Variants in HEPH observed in about 807,000 individuals in gnomAD.
HEPH encodes the protein hephaestin.
HEPH carries 69 observed loss-of-function variants against 80.8 expected under a neutral mutation model. That is an observed-to-expected ratio of 0.85 (90% CI 0.70 to 1.04). HEPH has a LOEUF of 1.04. Among genes scored for constraint, HEPH ranks in the 50% least tolerant of loss-of-function variants. The probability of loss-of-function intolerance (pLI) is 0.00; values close to 1 mark genes in which losing one functional copy is unlikely to be tolerated. For missense variants in HEPH, 1,115 were observed against 891.3 expected (o/e 1.25, Z -3.20); for synonymous variants, 431 against 322.8 (o/e 1.34, Z -3.60).
intron 8 of HEPH, among the ~76,000 whole-genome samples, chrX:66,194,456 G>A (rs969087695): frequency 1.9e-4 from 21 of 111,861 alleles, no homozygotes; most frequent in African/African-American, 5.2e-4. Flanking sequence ...CTGACCAAGA[G>A]TTAGAGCCGG....
At chrX:66,214,941 GAGGATTTACTT>G (rs1356053322) in intron 15 of HEPH, among the ~76,000 whole-genome samples, 1 of 111,105 alleles carries the variant, frequency 9.0e-6, no homozygotes, top group Non-Finnish European at 1.9e-5. Flanking sequence ...CTCTTTTATT[GAGGATTTACTT>G]AGGTGTATGT....
chrX:66,260,413 C>A, intron 19 of HEPH, 151 bp downstream of exon 19: 1 of 429,207 alleles, frequency 2.3e-6, no homozygotes, highest in South Asian at 4.6e-5. Context: ...TAGGTATTGC[C>A]CCAACCAGTA....
intron 15 of HEPH, among the ~76,000 whole-genome samples, chrX:66,231,148 G>T (rs1315211232): frequency 9.1e-6 from 1 of 109,859 alleles, no homozygotes; most frequent in Non-Finnish European, 1.9e-5. Context: ...CTCTGTTTTG[G>T]TACAAGTACC....
chrX:66,226,033 AG>A (rs977053153), intron 15 of HEPH, among the ~76,000 whole-genome samples: 3 of 111,518 alleles, frequency 2.7e-5, no homozygotes, highest in Middle Eastern at 4.6e-3. Context: ...TTGAGAAAGC[AG>A]GGGGTATGTG....
At chrX:66,197,648 C>G in intron 9 of HEPH, 35 bp from the exon 10 acceptor site, 1 of 1,095,482 alleles carries the variant, frequency 9.1e-7, no homozygotes, top group Non-Finnish European at 1.3e-6. Flanking sequence ...TCATTCTAGT[C>G]AATCTAAGTA....
chrX:66,189,958 A>G lies in HEPH; in HGVS notation c.1063+20A>G. On this transcript the variant is annotated intron_variant, in intron 6 of 20. Coordinates refer to ENST00000343002, the MANE Select transcript of HEPH (RefSeq NM_001367233.3). ...TTCGAGGTGAGATCCAACATTTCTG[A>G]CCATTGGGTTGTAAGAGAGAGGTAT... 8.6e-7 allele frequency: 1 copy of G among 1,158,120 alleles called. No individual in the cohort carries two copies. Among genetic ancestry groups the G allele is most frequent in the Non-Finnish European group, 1.2e-6 (1 of 867,465 alleles).
chrX:66,173,561 GC>G (rs779587250), intron 3 of HEPH, 27 bp from the exon 4 acceptor site: 1 of 1,096,997 alleles, frequency 9.1e-7, no homozygotes, highest in East Asian at 3.0e-5. Context: ...CTTATTCTGG[GC>G]CTGTGCATGT....
chrX:66,266,118 T>A (rs1317059349), intron 20 of HEPH, among the ~76,000 whole-genome samples: 1 of 104,792 alleles, frequency 9.5e-6, no homozygotes, highest in Non-Finnish European at 2.0e-5. Flanking sequence ...ACAGAACAAG[T>A]CAAATTCATC....
chrX:66,225,994 G>C (rs1228292485), intron 15 of HEPH, among the ~76,000 whole-genome samples: 1 of 111,812 alleles, frequency 8.9e-6, no homozygotes, highest in African/African-American at 3.3e-5. Flanking sequence ...ACAACTTTAA[G>C]GGGGTCTGTG....
chrX:66,249,079 G>C (rs1478663686), intron 15 of HEPH, among the ~76,000 whole-genome samples: 1 of 111,567 alleles, frequency 9.0e-6, no homozygotes, highest in East Asian at 2.8e-4. Context: ...TCTGAGAAAT[G>C]GAATAAGACT....
At chrX:66,230,923 A>G (rs1221412715) in intron 15 of HEPH, among the ~76,000 whole-genome samples, 17 of 102,379 alleles carry the variant, frequency 1.7e-4, no homozygotes, top group Non-Finnish European at 3.2e-4. Context: ...TAACGTTTAA[A>G]TCTTTAATCC....
intron 15 of HEPH, among the ~76,000 whole-genome samples, chrX:66,233,116 A>G (rs2090220785): frequency 8.9e-6 from 1 of 112,199 alleles, no homozygotes; most frequent in Non-Finnish European, 1.9e-5. Context: ...CAAATATGTC[A>G]CACGTTAAAA....
intron 15 of HEPH, among the ~76,000 whole-genome samples, chrX:66,242,073 GAA>G (rs748372748): frequency 5.4e-5 from 5 of 92,624 alleles, no homozygotes; most frequent in African/African-American, 1.5e-4. Context: ...ATCCTAAGCA[GAA>G]AAAAAAAAAA....
At chrX:66,178,405 G>A (rs1295422963) in intron 4 of HEPH, among the ~76,000 whole-genome samples, 2 of 111,907 alleles carry the variant, frequency 1.8e-5, no homozygotes, top group African/African-American at 6.5e-5. Flanking sequence ...CAATAAACAT[G>A]CGTGTGCATG....
At chrX:66,209,348 C>G (rs1032909042) in intron 15 of HEPH, among the ~76,000 whole-genome samples, 5 of 112,290 alleles carry the variant, frequency 4.5e-5, no homozygotes. Flanking sequence ...TGCTAAAACA[C>G]AGATCGCTGG....
intron 15 of HEPH, among the ~76,000 whole-genome samples, chrX:66,225,391 G>A (rs58864384): frequency 0.067 from 7,485 of 111,482 alleles, 599 homozygotes; most frequent in African/African-American, 0.23. Context: ...TTACACCAAA[G>A]CAGAATCAAA....
At position 66,260,173 on chromosome X, in the gene HEPH, G is replaced by A. The variant is rs150730970; in HGVS notation, c.3110G>A (p.Ser1037Asn). Reference protein sequence around the residue: ...GTFEVVEMVASNPGTWLMHCH... With the variant: ...GTFEVVEMVANNPGTWLMHCH... ...TTTGAGGTTGTGGAGATGGTGGCCAGCAACCCTGGGACATGGCTGATGCAC... is the reference window on the plus strand; with the variant it reads ...TTTGAGGTTGTGGAGATGGTGGCCAACAACCCTGGGACATGGCTGATGCAC... Residue 1037 changes from serine to asparagine, a missense_variant, in exon 19 of 21, where the codon AGC (serine) becomes AAC (asparagine). Ser to Asn is a conservative substitution (Grantham distance 46, BLOSUM62 1). Transcript: ENST00000343002. 4 of 1,203,654 alleles carry A rather than the reference G, an allele frequency of 3.3e-6. No individual in the cohort carries two copies. The highest frequency in any genetic ancestry group is 1.8e-5 in the African/African-American group (1 of 56,701).
intron 11 of HEPH, 53 bp downstream of exon 11, chrX:66,199,081 A>T (rs1442334821): frequency 2.7e-6 from 3 of 1,101,785 alleles, no homozygotes; most frequent in Non-Finnish European, 2.5e-6. Flanking sequence ...AGTAAAATCT[A>T]ACTTTAACCG....
intron 16 of HEPH, 41 bp downstream of exon 16, chrX:66,255,182 C>T: frequency 1.1e-6 from 1 of 944,532 alleles, no homozygotes. Context: ...GTCAAACTCC[C>T]TGGCAAAAAG....
Sources: gnomAD v4.1 joint callset for allele counts (sites outside exome capture counted in the v4.1 genomes callset) on GRCh38, gnomAD v4.1.1 for gene constraint, MANE v1.5 for transcripts, NCBI Gene and HGNC (gene_info 2026-07-23, HGNC 2026-07-21) for gene names.